NTM: variants seen among roughly 807,000 people sequenced by gnomAD.
NTM encodes the protein IgLON family member 2.
In NTM, 13 loss-of-function variants were observed where a neutral mutation model predicts 42.1. The observed-to-expected ratio is 0.31, with a 90% CI of 0.20 to 0.49. The LOEUF is 0.49. Among genes scored for constraint, NTM ranks in the 20% least tolerant of loss-of-function variants. The probability of loss-of-function intolerance (pLI) is 0.99; values close to 1 mark genes in which losing one functional copy is unlikely to be tolerated. For synonymous variants in NTM, 187 were observed against 179.2 expected, an observed-to-expected ratio of 1.04 and a Z score of -0.35; for missense variants, 373 against 452.8, an observed-to-expected ratio of 0.82 and a Z score of 1.60.
At chr11:132,151,593 T>C (rs1591841706) in intron 3 of NTM, among the ~76,000 whole-genome samples, 2 of 152,372 alleles carry the variant, frequency 1.3e-5, no homozygotes, top group South Asian at 2.1e-4. Flanking sequence ...TAGGTTTCTC[T>C]TTTGTCACTG....
At position 132,145,952 on chromosome 11, in the gene NTM, C is replaced by T. The variant is rs1314245644; in HGVS notation, c.168-330C>T. On this transcript the variant is annotated intron_variant, in intron 2 of 8. Transcript: ENST00000683400. ...ACATAACTATGAAGGATTATCATCA[C>T]CCAAATCCTTGAGCAAAGGGAGAAC... Among the ~76,000 whole-genome samples, 6 of 152,306 alleles carry T rather than the reference C, an allele frequency of 3.9e-5. No homozygotes were observed. In the South Asian group the frequency reaches 6.2e-4, roughly 16 times the overall value.
chr11:131,680,544 A>T (rs62636422), intron 1 of NTM, among the ~76,000 whole-genome samples: 3 of 8,428 alleles, frequency 3.6e-4, no homozygotes, highest in African/African-American at 8.9e-4. Flanking sequence ...TGTGTCTGTG[A>T]GTGCCTGTGT....
chr11:132,323,515 G>A (rs2095615511), intron 7 of NTM, among the ~76,000 whole-genome samples: 2 of 151,708 alleles, frequency 1.3e-5, no homozygotes, highest in South Asian at 4.2e-4. Context: ...AACAGGATCT[G>A]AAATTGCGGC....
chr11:131,917,739 C>A (rs1049947570), intron 2 of NTM, among the ~76,000 whole-genome samples: 1 of 152,172 alleles, frequency 6.6e-6, no homozygotes, highest in African/African-American at 2.4e-5. Flanking sequence ...CACTGCCCTG[C>A]CCCCTCTCAG....
chr11:131,604,594 T>A (rs781566245), intron 1 of NTM, among the ~76,000 whole-genome samples: 1 of 152,098 alleles, frequency 6.6e-6, no homozygotes, highest in Non-Finnish European at 1.5e-5. Context: ...AAGAAGCTAT[T>A]TCATAGCACA....
intron 1 of NTM, among the ~76,000 whole-genome samples, chr11:131,835,367 A>T (rs569701817): frequency 6.6e-6 from 1 of 152,280 alleles, no homozygotes; most frequent in African/African-American, 2.4e-5. Context: ...ATGAAAAAAG[A>T]CTTATCTCTA....
At chr11:131,767,903 T>C (rs912804031) in intron 1 of NTM, among the ~76,000 whole-genome samples, 5 of 152,056 alleles carry the variant, frequency 3.3e-5, no homozygotes, top group African/African-American at 1.2e-4. Context: ...GGGTCATTTG[T>C]AAGGTAGTTT....
chr11:131,816,729 A>G (rs910099098), intron 1 of NTM, among the ~76,000 whole-genome samples: 1 of 152,110 alleles, frequency 6.6e-6, no homozygotes, highest in Non-Finnish European at 1.5e-5. Context: ...AGTGTTCTGT[A>G]GGTATCTTTC....
chr11:132,191,069 A>T (rs1359897149), intron 3 of NTM, among the ~76,000 whole-genome samples: 2 of 152,192 alleles, frequency 1.3e-5, no homozygotes, highest in African/African-American at 2.4e-5. Context: ...CTTGGATAGT[A>T]TTTACCAGAG....
intron 4 of NTM, among the ~76,000 whole-genome samples, chr11:132,248,761 G>C (rs1303619068): frequency 6.6e-6 from 1 of 152,212 alleles, no homozygotes; most frequent in Non-Finnish European, 1.5e-5. Context: ...TGCCAGGAGG[G>C]AAACATGTAT....
intron 1 of NTM, among the ~76,000 whole-genome samples, chr11:131,526,008 C>T (rs539568570): frequency 2.6e-5 from 4 of 152,220 alleles, no homozygotes; most frequent in Admixed American, 6.5e-5. Flanking sequence ...TGAGATTCAA[C>T]GTAAACATTT....
At chr11:131,786,869 C>T (rs1565545495) in intron 1 of NTM, among the ~76,000 whole-genome samples, 2 of 152,160 alleles carry the variant, frequency 1.3e-5, no homozygotes, top group Non-Finnish European at 1.5e-5. Flanking sequence ...TTGAGCTAAA[C>T]ACTAGTTTAA....
At chr11:132,285,253 G>T (rs1429635099) in intron 4 of NTM, among the ~76,000 whole-genome samples, 1 of 152,104 alleles carries the variant, frequency 6.6e-6, no homozygotes, top group African/African-American at 2.4e-5. Context: ...CATTGACTGG[G>T]AGCCATCCTA....
chr11:132,218,861 G>A (rs2084502077), intron 4 of NTM, among the ~76,000 whole-genome samples: 1 of 152,150 alleles, frequency 6.6e-6, no homozygotes, highest in Non-Finnish European at 1.5e-5. Context: ...ATGAGCAAAG[G>A]CAGCAATGTG....
At chr11:131,448,489 T>C (rs79146981) in intron 1 of NTM, among the ~76,000 whole-genome samples, 2,790 of 152,242 alleles carry the variant, frequency 0.018, 88 homozygotes, top group African/African-American at 0.062. Flanking sequence ...GAGTATTTGC[T>C]AGGATGAGAT....
At chr11:132,049,886 A>AT (rs1192881219) in intron 2 of NTM, among the ~76,000 whole-genome samples, 3 of 152,134 alleles carry the variant, frequency 2.0e-5, no homozygotes, top group Non-Finnish European at 2.9e-5. Context: ...CTGATGTCTC[A>AT]TTTTTGAGAG....
chr11:131,759,929 G>GA (rs111262165), intron 1 of NTM, among the ~76,000 whole-genome samples: 3,665 of 152,074 alleles, frequency 0.024, 151 homozygotes, highest in African/African-American at 0.083. Context: ...GAGTGTTAAT[G>GA]AAAAAACTAA....
chr11:132,310,086 G>T, intron 5 of NTM, 26 bp from the exon 6 acceptor site: 2 of 1,555,122 alleles, frequency 1.3e-6, no homozygotes, highest in Non-Finnish European at 1.7e-6. Context: ...GTGGGGGGGC[G>T]GCTATGAGAC....
chr11:131,745,774 C>T (rs1323624057), intron 1 of NTM, among the ~76,000 whole-genome samples: 4 of 152,026 alleles, frequency 2.6e-5, no homozygotes, highest in African/African-American at 9.7e-5. Flanking sequence ...AAGCATTATA[C>T]AAATATGTTA....
Sources: allele counts gnomAD v4.1 joint callset (sites outside exome capture counted in the v4.1 genomes callset), GRCh38; gene constraint gnomAD v4.1.1; transcripts MANE v1.5; gene names NCBI Gene and HGNC (gene_info 2026-07-23, HGNC 2026-07-21).